The following ZNF385D variants were observed in gnomAD, a reference collection of about 807,000 sequenced individuals.
The protein encoded by ZNF385D is zinc finger protein 659.
A neutral mutation model predicts 35.8 loss-of-function variants in ZNF385D; 15 were observed. The observed-to-expected ratio is 0.42, with a 90% confidence interval of 0.28 to 0.64. The LOEUF is 0.64. Among genes scored for constraint, ZNF385D ranks in the 30% least tolerant of loss-of-function variants. The probability of loss-of-function intolerance (pLI) is 0.23; values close to 1 mark genes in which losing one functional copy is unlikely to be tolerated. For missense variants in ZNF385D, 474 were observed against 494.6 expected (o/e 0.96, Z 0.39); for synonymous variants, 212 against 186.8 (o/e 1.13, Z -1.10).
Position 22,053,160 on chromosome 3 carries a change from G to C in ZNF385D, c.325+115657C>G, listed in dbSNP as rs1407310979. Among the ~76,000 whole-genome samples, 4 of 87,708 alleles carry C rather than the reference G, an allele frequency of 4.6e-5. 2 individuals carry two copies. Among genetic ancestry groups the C allele is most frequent in the Non-Finnish European group, 9.4e-5 (4 of 42,690 alleles). 57.5% of individuals were successfully genotyped at this position (87,708 alleles called of 152,430 possible). On this transcript the variant is annotated intron_variant, in intron 3 of 5. Transcript: ENST00000494108. Reference sequence around the variant, plus strand: ...GCTAGCAATCAGCGAGATTCCGTGGGCGTAGGACCCTCCGAGCCAGGTGTG... The same window carrying C: ...GCTAGCAATCAGCGAGATTCCGTGGCCGTAGGACCCTCCGAGCCAGGTGTG...
In ZNF385D at chr3:22,177,800, T is replaced by C. The variant is rs140832338; in HGVS notation, c.107-8765A>G. On this transcript the variant is annotated intron_variant, in intron 2 of 5. Coordinates refer to the ZNF385D transcript ENST00000494108. ...TTCCTGTGCCCATGTGTTCTCACTG[T>C]TCAATTCCCACCTATGAGTGAGAAC... is the stretch of plus-strand genomic sequence containing the variant. 8.2e-3 allele frequency among the ~76,000 whole-genome samples: 1,245 copies of C among 152,276 alleles called. 14 individuals carry two copies. The highest frequency in any genetic ancestry group is 0.028 in the African/African-American group (1,155 of 41,548).
At chr3:22,185,240 A>G (rs543474980) in intron 2 of ZNF385D, among the ~76,000 whole-genome samples, 3 of 152,306 alleles carry the variant, frequency 2.0e-5, no homozygotes, top group South Asian at 4.1e-4. Flanking sequence ...GAAACGAAAT[A>G]CTAAGAGAAC....
At chr3:21,737,345 T>C (rs999021792) in intron 1 of ZNF385D, among the ~76,000 whole-genome samples, 8 of 152,114 alleles carry the variant, frequency 5.3e-5, no homozygotes, top group East Asian at 1.9e-4. Flanking sequence ...AATAAATCAT[T>C]AGATACCATG....
chr3:21,739,916 G>A (rs1195106066), intron 1 of ZNF385D, among the ~76,000 whole-genome samples: 1 of 152,152 alleles, frequency 6.6e-6, no homozygotes, highest in African/African-American at 2.4e-5. Context: ...ACTCTATAGA[G>A]TATCATTTAT....
intron 1 of ZNF385D, among the ~76,000 whole-genome samples, chr3:21,741,848 C>T (rs551001804): frequency 3.3e-5 from 5 of 152,114 alleles, no homozygotes; most frequent in Non-Finnish European, 5.9e-5. Context: ...CTGCCCTGCT[C>T]GCTTTCTCTT....
At chr3:21,808,372 T>C (rs1041472069) in intron 3 of ZNF385D, among the ~76,000 whole-genome samples, 2 of 152,206 alleles carry the variant, frequency 1.3e-5, no homozygotes, top group African/African-American at 4.8e-5. Flanking sequence ...CACTAGAAGC[T>C]ATGACTCCAG....
chr3:22,331,353 C>A (rs1694927464), intron 2 of ZNF385D, among the ~76,000 whole-genome samples: 1 of 151,894 alleles, frequency 6.6e-6, no homozygotes, highest in East Asian at 1.9e-4. Context: ...TTTATAGTTT[C>A]TAAGCAATTA....
At chr3:21,442,326 C>T (rs1286863930) in intron 4 of ZNF385D, among the ~76,000 whole-genome samples, 5 of 152,110 alleles carry the variant, frequency 3.3e-5, no homozygotes, top group African/African-American at 7.2e-5. Flanking sequence ...CAAAGATGTT[C>T]ATCATGTTTT....
intron 2 of ZNF385D, among the ~76,000 whole-genome samples, chr3:22,173,210 TAAAG>T (rs1459307363): frequency 6.6e-6 from 1 of 152,134 alleles, no homozygotes; most frequent in African/African-American, 2.4e-5. Context: ...CAGTGGAGCC[TAAAG>T]AAATACTAAA....
intron 4 of ZNF385D, among the ~76,000 whole-genome samples, chr3:21,467,992 G>T (rs1245909698): frequency 6.6e-6 from 1 of 151,960 alleles, no homozygotes; most frequent in Admixed American, 6.6e-5. Flanking sequence ...ATGCAAAATG[G>T]TAAAATATCT....
chr3:21,672,763 G>T (rs1172857330), intron 1 of ZNF385D, among the ~76,000 whole-genome samples: 1 of 152,148 alleles, frequency 6.6e-6, no homozygotes, highest in African/African-American at 2.4e-5. Flanking sequence ...ATCTGTCACT[G>T]TCATTAAATG....
chr3:22,353,620 C>A (rs1344500702), intron 2 of ZNF385D, among the ~76,000 whole-genome samples: 3 of 152,114 alleles, frequency 2.0e-5, no homozygotes, highest in African/African-American at 4.8e-5. Flanking sequence ...CTACCCACTT[C>A]AAAATTTTAG....
intron 4 of ZNF385D, among the ~76,000 whole-genome samples, chr3:21,458,880 G>A (rs887256275): frequency 6.6e-6 from 1 of 152,052 alleles, no homozygotes; most frequent in Non-Finnish European, 1.5e-5. Context: ...TAGTGGTGAT[G>A]TACAAAGTTC....
intron 1 of ZNF385D, among the ~76,000 whole-genome samples, chr3:21,722,335 A>T (rs1229591735): frequency 1.3e-5 from 2 of 152,138 alleles, no homozygotes; most frequent in African/African-American, 4.8e-5. Context: ...ATTTTGTAGG[A>T]TGTTTGTATC....
At chr3:21,765,485 A>T (rs7620051) in intron 3 of ZNF385D, among the ~76,000 whole-genome samples, 3,699 of 152,186 alleles carry the variant, frequency 0.024, 159 homozygotes, top group African/African-American at 0.083. Context: ...TGTGTGGCCT[A>T]GCTTGAAAAG....
chr3:22,273,110 G>C (rs1182583006), intron 2 of ZNF385D, among the ~76,000 whole-genome samples: 1 of 151,888 alleles, frequency 6.6e-6, no homozygotes, highest in African/African-American at 2.4e-5. Context: ...ACAAGGAAAA[G>C]AATCATTTTA....
chr3:22,243,966 A>C (rs2125317896), intron 2 of ZNF385D, among the ~76,000 whole-genome samples: 1 of 151,030 alleles, frequency 6.6e-6, no homozygotes, highest in East Asian at 2.0e-4. Flanking sequence ...ATATTTCATA[A>C]GTGACTAGAA....
intron 2 of ZNF385D, among the ~76,000 whole-genome samples, chr3:21,567,972 G>A (rs930961153): frequency 6.6e-6 from 1 of 152,036 alleles, no homozygotes; most frequent in Non-Finnish European, 1.5e-5. Flanking sequence ...ATTGAATGAT[G>A]TTCTGATCAC....
At chr3:21,893,175 T>C (rs1167703580) in intron 3 of ZNF385D, among the ~76,000 whole-genome samples, 2 of 152,158 alleles carry the variant, frequency 1.3e-5, no homozygotes, top group Admixed American at 6.6e-5. Flanking sequence ...CCAGGTATTG[T>C]TGATGTGGAA....
Sources: allele counts gnomAD v4.1 joint callset (sites outside exome capture counted in the v4.1 genomes callset), GRCh38; gene constraint gnomAD v4.1.1; transcripts MANE v1.5; gene names NCBI Gene and HGNC (gene_info 2026-07-23, HGNC 2026-07-21).